Variants in NAALADL2 observed in about 807,000 individuals in gnomAD.
NAALADL2 encodes N-acetylated alpha-linked acidic dipeptidase like 2, also known as inactive N-acetylated-alpha-linked acidic dipeptidase-like protein 2.
Under a neutral mutation model 87.2 loss-of-function variants are expected in NAALADL2, and 76 were observed. That is an observed-to-expected ratio of 0.87 (90% CI 0.72 to 1.05). The LOEUF is 1.05. NAALADL2 is among the 50% of genes least tolerant of loss of function. The probability of loss-of-function intolerance (pLI) is 0.00; values close to 1 mark genes in which losing one functional copy is unlikely to be tolerated. For synonymous variants in NAALADL2, 354 were observed against 331.0 expected, an observed-to-expected ratio of 1.07 and a Z score of -0.75; for missense variants, 1,089 against 945.8, an observed-to-expected ratio of 1.15 and a Z score of -1.99.
intron 11 of NAALADL2, chr3:175,655,475 A>C (rs1475524529): frequency 2.6e-6 from 1 of 383,158 alleles, no homozygotes; most frequent in East Asian, 9.1e-5. Flanking sequence ...TTTTCTTCCT[A>C]AATAGTGAAG....
At chr3:174,783,808 G>T (rs1163850873) in intron 3 of NAALADL2, among the ~76,000 whole-genome samples, 1 of 152,044 alleles carries the variant, frequency 6.6e-6, no homozygotes, top group Non-Finnish European at 1.5e-5. Context: ...CTCAATCCTA[G>T]CTATGGAATT....
intron 1 of NAALADL2, among the ~76,000 whole-genome samples, chr3:174,935,080 A>C (rs996637055): frequency 6.6e-6 from 1 of 152,194 alleles, no homozygotes; most frequent in Non-Finnish European, 1.5e-5. Context: ...AGACATTTCA[A>C]AAGTTGAAAA....
At chr3:175,575,823 T>G (rs1718788666) in intron 9 of NAALADL2, among the ~76,000 whole-genome samples, 1 of 152,148 alleles carries the variant, frequency 6.6e-6, no homozygotes, top group African/African-American at 2.4e-5. Context: ...TAGTTATGCT[T>G]CAGTGAGCGT....
At chr3:174,720,089 C>T (rs1049702016) in intron 2 of NAALADL2, among the ~76,000 whole-genome samples, 8 of 152,014 alleles carry the variant, frequency 5.3e-5, no homozygotes, top group African/African-American at 7.2e-5. Flanking sequence ...CGTGACCCAC[C>T]GCTCCCTGTC....
intron 2 of NAALADL2, among the ~76,000 whole-genome samples, chr3:175,225,536 T>A (rs933813490): frequency 2.6e-5 from 4 of 152,114 alleles, no homozygotes; most frequent in Non-Finnish European, 4.4e-5. Flanking sequence ...GAAAAGGGAA[T>A]CTTTGTTAGT....
chr3:174,619,959 T>C (rs1720837210), intron 2 of NAALADL2, among the ~76,000 whole-genome samples: 1 of 151,974 alleles, frequency 6.6e-6, no homozygotes, highest in Non-Finnish European at 1.5e-5. Context: ...TTCTATACAG[T>C]AGACACTATT....
Position 174,816,551 on chromosome 3 carries a change from ATTATG to A in NAALADL2, c.-9+78812_-9+78816del, listed in dbSNP as rs575295659. ...TATATATAATTTTTAATATATATAAATTATGTTATGTAACATATATATAAATTATT... is the reference window on the plus strand; with the variant it reads ...TATATATAATTTTTAATATATATAAATTATGTAACATATATATAAATTATT... On this transcript the variant is annotated intron_variant, in intron 3 of 3. Coordinates refer to the NAALADL2 transcript ENST00000434257. Among the ~76,000 whole-genome samples, 952 of 148,532 alleles carry A rather than the reference ATTATG, an allele frequency of 6.4e-3. 7 individuals are homozygous for A. Among genetic ancestry groups the A allele is most frequent in the Admixed American group, 0.022 (323 of 14,808 alleles).
chr3:174,833,442 G>T (rs1198062864), intron 3 of NAALADL2, among the ~76,000 whole-genome samples: 3 of 152,082 alleles, frequency 2.0e-5, no homozygotes, highest in Non-Finnish European at 2.9e-5. Context: ...GAAGCTCCAG[G>T]CTTAGATGGC....
intron 9 of NAALADL2, among the ~76,000 whole-genome samples, chr3:175,504,235 G>A (rs1268244637): frequency 6.6e-6 from 1 of 152,108 alleles, no homozygotes; most frequent in Non-Finnish European, 1.5e-5. Context: ...TTATCAAAGA[G>A]GACACTTTTG....
At chr3:174,679,240 G>C (rs1727309875) in intron 2 of NAALADL2, among the ~76,000 whole-genome samples, 1 of 151,942 alleles carries the variant, frequency 6.6e-6, no homozygotes, top group Non-Finnish European at 1.5e-5. Flanking sequence ...TTGTCTCTCT[G>C]TGCACTACAC....
At position 174,754,369 on chromosome 3, in the gene NAALADL2, A is replaced by C. The variant is rs529308316; in HGVS notation, c.-9+16623A>C. 3.3e-5 allele frequency among the ~76,000 whole-genome samples: 5 copies of C among 152,296 alleles called. No homozygotes were observed. In the South Asian group the frequency reaches 8.3e-4, roughly 25 times the overall value. ...AATGCATAAATTATTTCACATTTAAATAAATTCTTAGAAATTCATTATTTT... is the reference window on the plus strand; with the variant it reads ...AATGCATAAATTATTTCACATTTAACTAAATTCTTAGAAATTCATTATTTT... On this transcript the variant is annotated intron_variant, in intron 3 of 3. Coordinates refer to the NAALADL2 transcript ENST00000434257.
chr3:175,070,167 A>G (rs996860129), intron 1 of NAALADL2, among the ~76,000 whole-genome samples: 3 of 151,516 alleles, frequency 2.0e-5, no homozygotes, highest in African/African-American at 4.8e-5. Context: ...TATAATAATA[A>G]TAAACTAAAA....
rs144610902 is a variant in NAALADL2, at chr3:175,038,316, GTAAA to G, written c.44-58465_44-58462del. Among the ~76,000 whole-genome samples, 1,397 of 152,082 alleles carry G rather than the reference GTAAA, an allele frequency of 9.2e-3. 23 individuals carry two copies. Among genetic ancestry groups the G allele is most frequent in the African/African-American group, 0.033 (1,364 of 41,478 alleles). On this transcript the variant is annotated intron_variant, in intron 1 of 13. Coordinates refer to ENST00000454872, the MANE Select transcript of NAALADL2 (RefSeq NM_207015.3). ...TTGTTTTAATAAAGCTATACACTGA[GTAAA>G]TAAATAAAATAAGAAAAAAATGAAT... is the stretch of plus-strand genomic sequence containing the variant.
rs190385643 is a variant in NAALADL2 at position 175,684,696 on chromosome 3, G to C, written c.1897-52610G>C. ...TATGTGCCTGTAGTCCCAGCTACTC[G>C]GGAGGCTGAGGGAAGAGAATCACTT... On this transcript the variant is annotated intron_variant, in intron 11 of 13. Coordinates refer to ENST00000454872, the MANE Select transcript of NAALADL2 (RefSeq NM_207015.3). 1.3e-5 allele frequency among the ~76,000 whole-genome samples: 2 copies of C among 152,006 alleles called. 1 individual carries two copies. The highest frequency in any genetic ancestry group is 4.1e-4 in the South Asian group (2 of 4,828).
intron 5 of NAALADL2, among the ~76,000 whole-genome samples, chr3:175,430,555 G>T (rs542110886): frequency 6.6e-6 from 1 of 151,980 alleles, no homozygotes; most frequent in Non-Finnish European, 1.5e-5. Context: ...AAATCAGTAG[G>T]ATGGGCTGAT....
chr3:175,320,990 G>A (rs1425512499), intron 4 of NAALADL2, among the ~76,000 whole-genome samples: 2 of 151,504 alleles, frequency 1.3e-5, no homozygotes, highest in East Asian at 3.9e-4. Context: ...ATTTTATGAG[G>A]CCAGCATCAT....
At chr3:175,471,901 T>A in intron 9 of NAALADL2, 143 bp downstream of exon 9, 1 of 733,516 alleles carries the variant, frequency 1.4e-6, no homozygotes, top group Admixed American at 3.4e-5. Context: ...ATTGCTGACA[T>A]TTTATCAATA....
At chr3:175,786,865 T>A (rs374084241) in intron 13 of NAALADL2, among the ~76,000 whole-genome samples, 3 of 151,270 alleles carry the variant, frequency 2.0e-5, no homozygotes, top group Non-Finnish European at 4.4e-5. Flanking sequence ...GGTCTTTGAT[T>A]ATGGTGATGT....
intron 2 of NAALADL2, among the ~76,000 whole-genome samples, chr3:174,565,515 T>C (rs947113384): frequency 3.3e-5 from 5 of 152,086 alleles, no homozygotes; most frequent in African/African-American, 1.2e-4. Context: ...TCATCTATCT[T>C]TATTTCTGAA....
Sources: gnomAD v4.1 joint callset for allele counts (sites outside exome capture counted in the v4.1 genomes callset) on GRCh38, gnomAD v4.1.1 for gene constraint, MANE v1.5 for transcripts, NCBI Gene and HGNC (gene_info 2026-07-23, HGNC 2026-07-21) for gene names.